FMN1: variants seen among roughly 807,000 people sequenced by gnomAD.
The protein encoded by FMN1 is formin 1.
Under a neutral mutation model 132.4 loss-of-function variants are expected in FMN1, and 110 were observed. The observed-to-expected ratio is 0.83, with a 90% CI of 0.71 to 0.97. FMN1 has a LOEUF of 0.97. FMN1 is among the 50% of genes least tolerant of loss of function. FMN1 has a pLI of 0.00. For synonymous variants in FMN1, 722 were observed against 651.7 expected, an observed-to-expected ratio of 1.11 and a Z score of -1.64; for missense variants, 1,792 against 1,705.3, an observed-to-expected ratio of 1.05 and a Z score of -0.90.
At chr15:32,989,305 A>T (rs556581850) in intron 7 of FMN1, among the ~76,000 whole-genome samples, 3 of 152,300 alleles carry the variant, frequency 2.0e-5, no homozygotes, top group African/African-American at 7.2e-5. Flanking sequence ...TTATAATGTG[A>T]GAACTAGTCT....
At chr15:32,889,459 G>A (rs999474276) in intron 15 of FMN1, among the ~76,000 whole-genome samples, 4 of 152,044 alleles carry the variant, frequency 2.6e-5, no homozygotes, top group Non-Finnish European at 4.4e-5. Context: ...CTCTAAAACT[G>A]CTTTACAAGG....
intron 17 of FMN1, among the ~76,000 whole-genome samples, chr15:32,831,906 G>A (rs914732014): frequency 6.6e-6 from 1 of 152,084 alleles, no homozygotes; most frequent in East Asian, 1.9e-4. Flanking sequence ...ACTGGCACCA[G>A]GGATTTCTGT....
chr15:33,127,356 C>T (rs1232312860), intron 4 of FMN1, among the ~76,000 whole-genome samples: 3 of 146,664 alleles, frequency 2.0e-5, no homozygotes, highest in Admixed American at 7.1e-5. Context: ...CTCTAAATAA[C>T]TTGACTCTGT....
intron 7 of FMN1, among the ~76,000 whole-genome samples, chr15:32,989,936 A>T (rs1165583754): frequency 6.6e-6 from 1 of 152,134 alleles, no homozygotes; most frequent in African/African-American, 2.4e-5. Context: ...AAGAAAGCAG[A>T]TTGCTTTTTG....
At chr15:32,811,921 T>G (rs902306755) in intron 17 of FMN1, among the ~76,000 whole-genome samples, 1 of 152,158 alleles carries the variant, frequency 6.6e-6, no homozygotes, top group African/African-American at 2.4e-5. Context: ...AGTGCTGGGA[T>G]TACAAGCATG....
At chr15:32,906,543 T>C (rs2060429419) in intron 12 of FMN1, among the ~76,000 whole-genome samples, 1 of 152,186 alleles carries the variant, frequency 6.6e-6, no homozygotes, top group Non-Finnish European at 1.5e-5. Context: ...ACAGGAAAGG[T>C]TTGCCAACTC....
chr15:33,108,387 T>C (rs766369960), intron 4 of FMN1, among the ~76,000 whole-genome samples: 2 of 151,956 alleles, frequency 1.3e-5, no homozygotes, highest in Non-Finnish European at 2.9e-5. Flanking sequence ...CTCCCATGAG[T>C]AGGGAAAGGA....
chr15:32,847,651 G>A (rs1049802607), intron 17 of FMN1, among the ~76,000 whole-genome samples: 6 of 152,128 alleles, frequency 3.9e-5, no homozygotes, highest in African/African-American at 7.2e-5. Context: ...TCAGGAGATC[G>A]AGACCATCCT....
At chr15:32,831,892 A>T (rs932395955) in intron 17 of FMN1, among the ~76,000 whole-genome samples, 5 of 152,176 alleles carry the variant, frequency 3.3e-5, no homozygotes, top group South Asian at 2.1e-4. Flanking sequence ...AAGTGGAGGT[A>T]GAAACTGGCA....
At chr15:33,027,445 TAGTG>T (rs2035732119) in intron 6 of FMN1, among the ~76,000 whole-genome samples, 2 of 152,310 alleles carry the variant, frequency 1.3e-5, no homozygotes, top group Non-Finnish European at 2.9e-5. Context: ...TAAGTATTCT[TAGTG>T]AGAACTGTAT....
intron 3 of FMN1, among the ~76,000 whole-genome samples, chr15:33,175,738 C>G (rs766878485): frequency 6.6e-6 from 1 of 152,126 alleles, no homozygotes; most frequent in East Asian, 1.9e-4. Context: ...CTTCCCATCC[C>G]ACACACACAC....
intron 19 of FMN1, among the ~76,000 whole-genome samples, chr15:32,788,049 T>C (rs2056938668): frequency 1.7e-4 from 1 of 5,922 alleles, no homozygotes; most frequent in Non-Finnish European, 8.2e-3. Flanking sequence ...TTGTGAGCTA[T>C]CACTTGTATA....
chr15:32,823,724 A>AT (rs2058294722), intron 17 of FMN1, among the ~76,000 whole-genome samples: 2 of 152,350 alleles, frequency 1.3e-5, no homozygotes, highest in South Asian at 4.1e-4. Flanking sequence ...AATCATAACC[A>AT]TTTTTAAAAT....
At chr15:32,827,264 CA>C (rs1243601654) in intron 17 of FMN1, among the ~76,000 whole-genome samples, 2 of 152,162 alleles carry the variant, frequency 1.3e-5, no homozygotes, top group Non-Finnish European at 2.9e-5. Flanking sequence ...TTATGAGCAA[CA>C]AAATGATTGT....
At chr15:33,107,252 C>T (rs921387731) in intron 4 of FMN1, among the ~76,000 whole-genome samples, 5 of 152,004 alleles carry the variant, frequency 3.3e-5, no homozygotes, top group African/African-American at 1.2e-4. Context: ...CCTCAGTCTA[C>T]GCCACTACCT....
At chr15:33,106,929 TATC>T (rs2039509926) in intron 4 of FMN1, among the ~76,000 whole-genome samples, 1 of 152,090 alleles carries the variant, frequency 6.6e-6, no homozygotes, top group Non-Finnish European at 1.5e-5. Context: ...CAGTTTTAAA[TATC>T]ATCTCAGCTC....
At chr15:33,014,387 C>T (rs1230528855) in intron 6 of FMN1, among the ~76,000 whole-genome samples, 1 of 152,038 alleles carries the variant, frequency 6.6e-6, no homozygotes, top group African/African-American at 2.4e-5. Context: ...AGAACTTGAC[C>T]CTAGCATTGG....
Position 32,968,959 on chromosome 15 carries a change from A to AGGTAGAGGTGGC in FMN1, c.2730_2741dup (p.Leu913_Pro916dup), listed in dbSNP as rs2031514580. The AGGTAGAGGTGGC allele has an allele frequency of 5.7e-6, 5 of 883,530 alleles. No homozygotes were observed. The highest frequency in any genetic ancestry group is 6.9e-6 in the Non-Finnish European group (4 of 577,840). The allele number at this position is 883,530 out of a possible 1,614,324, so 54.7% of individuals were successfully genotyped here. On this transcript the variant is annotated inframe_insertion, in exon 8 of 21. Coordinates refer to ENST00000616417, the MANE Select transcript of FMN1 (RefSeq NM_001277313.2). ...GTGGAGGTCCAGCACTTGAAGGTGG[A>AGGTAGAGGTGGC]GGTAGAGGTGGCGGTGGAGGAGGCG... is the stretch of plus-strand genomic sequence containing the variant.
chr15:32,919,955 A>C (rs2060780524), intron 10 of FMN1, among the ~76,000 whole-genome samples: 1 of 152,236 alleles, frequency 6.6e-6, no homozygotes, highest in Non-Finnish European at 1.5e-5. Context: ...GAGATTCCCA[A>C]ACAGAAAGAA....
Sources: gnomAD v4.1 joint callset for allele counts (sites outside exome capture counted in the v4.1 genomes callset) on GRCh38, gnomAD v4.1.1 for gene constraint, MANE v1.5 for transcripts, NCBI Gene and HGNC (gene_info 2026-07-23, HGNC 2026-07-21) for gene names.